The following SUMF1 variants were observed in gnomAD, a reference collection of about 807,000 sequenced individuals.
The protein encoded by SUMF1 is formylglycine-generating enzyme.
A neutral mutation model predicts 47.6 loss-of-function variants in SUMF1; 48 were observed. That is an observed-to-expected ratio of 1.01 (90% CI 0.80 to 1.28). SUMF1 has a LOEUF of 1.28. Ranked by LOEUF, SUMF1 falls within the 50% of genes most tolerant of loss-of-function variation. The probability of loss-of-function intolerance (pLI) is 0.00; values close to 1 mark genes in which losing one functional copy is unlikely to be tolerated. For synonymous variants in SUMF1, 230 were observed against 192.1 expected (o/e 1.20, Z -1.63); for missense variants, 571 against 485.4 (o/e 1.18, Z -1.66).
intron 8 of SUMF1, among the ~76,000 whole-genome samples, chr3:4,176,671 C>G (rs1030748401): frequency 5.9e-5 from 9 of 152,148 alleles, no homozygotes; most frequent in African/African-American, 1.9e-4. Context: ...ATGAGATGAT[C>G]AAATTCACAC....
chr3:4,073,867 TAGA>T (rs1193413204), intron 8 of SUMF1, among the ~76,000 whole-genome samples: 2 of 152,154 alleles, frequency 1.3e-5, no homozygotes, highest in East Asian at 3.8e-4. Context: ...AAGAGGGACT[TAGA>T]CTCCTACACA....
intron 8 of SUMF1, among the ~76,000 whole-genome samples, chr3:4,302,000 A>G (rs767366692): frequency 2.0e-5 from 3 of 152,224 alleles, no homozygotes; most frequent in Non-Finnish European, 4.4e-5. Context: ...AGAAACAGTC[A>G]GGCAGGAAAA....
chr3:4,080,462 C>CT (rs1163851315), intron 8 of SUMF1, among the ~76,000 whole-genome samples: 1 of 152,030 alleles, frequency 6.6e-6, no homozygotes, highest in East Asian at 1.9e-4. Context: ...ACCAACTCTT[C>CT]TTTTTTTTAA....
chr3:4,272,258 G>A (rs544241525), intron 8 of SUMF1, among the ~76,000 whole-genome samples: 18 of 152,294 alleles, frequency 1.2e-4, no homozygotes, highest in Admixed American at 2.0e-4. Context: ...GGAAAAGCTC[G>A]GGATCAACCC....
intron 8 of SUMF1, among the ~76,000 whole-genome samples, chr3:4,331,553 C>G (rs914839234): frequency 8.5e-5 from 13 of 152,212 alleles, no homozygotes; most frequent in African/African-American, 3.1e-4. Context: ...AAAGGCTGGG[C>G]ACAGTGGCTC....
At chr3:4,195,351 G>A (rs1194597834) in intron 8 of SUMF1, among the ~76,000 whole-genome samples, 1 of 151,968 alleles carries the variant, frequency 6.6e-6, no homozygotes, top group Non-Finnish European at 1.5e-5. Flanking sequence ...ATAAGCCAAG[G>A]GAAGAGCAAT....
chr3:4,068,676 T>A (rs1347722641), exon 9 of SUMF1: 1 of 452,244 alleles, frequency 2.2e-6, no homozygotes, highest in Non-Finnish European at 4.4e-6. Flanking sequence ...GCCTTCCACC[T>A]GCTGGCTGTG....
intron 9 of SUMF1, among the ~76,000 whole-genome samples, chr3:4,063,528 G>C (rs1454528249): frequency 6.6e-6 from 1 of 152,018 alleles, no homozygotes; most frequent in Non-Finnish European, 1.5e-5. Context: ...AATATGTGTA[G>C]CTTTTCCCCA....
chr3:4,306,732 C>G (rs930177324), intron 8 of SUMF1, among the ~76,000 whole-genome samples: 1 of 152,234 alleles, frequency 6.6e-6, no homozygotes, highest in Non-Finnish European at 1.5e-5. Flanking sequence ...TTGCTCCAAA[C>G]CCTGCCTTCA....
At chr3:4,210,049 C>T (rs1695746273) in intron 8 of SUMF1, among the ~76,000 whole-genome samples, 1 of 152,016 alleles carries the variant, frequency 6.6e-6, no homozygotes, top group Non-Finnish European at 1.5e-5. Flanking sequence ...TGTGTTCCAC[C>T]ACACCTGGCT....
chr3:4,246,992 G>A (rs1048456570), intron 8 of SUMF1, among the ~76,000 whole-genome samples: 2 of 152,162 alleles, frequency 1.3e-5, no homozygotes, highest in Non-Finnish European at 2.9e-5. Flanking sequence ...GCAGCTTTAA[G>A]TATATATCCT....
At chr3:4,211,203 C>CATATATATATATATATATAT (rs57172340) in intron 8 of SUMF1, among the ~76,000 whole-genome samples, 1 of 98,174 alleles carries the variant, frequency 1.0e-5, no homozygotes, top group African/African-American at 3.9e-5. Flanking sequence ...TACATACATA[C>CATATATATATATATATATAT]ATATATATAT....
chr3:4,255,051 G>A (rs1262181240), intron 8 of SUMF1, among the ~76,000 whole-genome samples: 1 of 150,366 alleles, frequency 6.7e-6, no homozygotes, highest in Non-Finnish European at 1.5e-5. Context: ...ATCCTTTACA[G>A]ACAAGCAAAT....
At position 4,418,248 on chromosome 3, in the gene SUMF1, C is replaced by T. The variant is rs1039791698; in HGVS notation, c.603-116G>A. ...GTTCAATCTGTGACACTGAGGTCAT[C>T]CTGGTCCTTAAGTCAAACCCCAGCC... On this transcript the variant is annotated intron_variant, in intron 4 of 8. Coordinates refer to ENST00000272902, the MANE Select transcript of SUMF1 (RefSeq NM_182760.4). 3.4e-5 allele frequency: 50 copies of T among 1,467,998 alleles called. No homozygotes were observed. In the African/African-American group the frequency reaches 6.1e-4, roughly 18 times the overall value. 90.9% of individuals were successfully genotyped at this position (1,467,998 alleles called of 1,614,324 possible).
At chr3:4,379,417 G>T (rs913465542) in intron 7 of SUMF1, among the ~76,000 whole-genome samples, 44 of 152,320 alleles carry the variant, frequency 2.9e-4, no homozygotes, top group African/African-American at 1.1e-3. Context: ...GGAGTGAGGC[G>T]GCTACAAGCC....
chr3:4,155,353 G>T lies in SUMF1; in HGVS notation c.1015-86608C>A, dbSNP rs181132576. 2.2e-4 allele frequency among the ~76,000 whole-genome samples: 33 copies of T among 151,656 alleles called. 2 individuals carry two copies. The highest frequency in any genetic ancestry group is 7.8e-4 in the African/African-American group (32 of 40,982). On this transcript the variant is annotated intron_variant and NMD_transcript_variant, in intron 8 of 12. Coordinates refer to the SUMF1 transcript ENST00000448413. Reference sequence around the variant, plus strand: ...CTCCACTTAATGAGTCCTAATGAGGGAAGGGGAGCAAAAATTCCTTCTTCA... The same window carrying T: ...CTCCACTTAATGAGTCCTAATGAGGTAAGGGGAGCAAAAATTCCTTCTTCA...
intron 8 of SUMF1, among the ~76,000 whole-genome samples, chr3:4,077,776 G>T (rs1452351449): frequency 6.6e-6 from 1 of 151,964 alleles, no homozygotes; most frequent in Non-Finnish European, 1.5e-5. Flanking sequence ...TGCACGTTGT[G>T]CACATGCACC....
At chr3:4,428,861 A>G (rs1017274518) in intron 3 of SUMF1, among the ~76,000 whole-genome samples, 27 of 152,242 alleles carry the variant, frequency 1.8e-4, no homozygotes, top group African/African-American at 6.5e-4. Flanking sequence ...TTCCAGCTTC[A>G]TCAGTAAGCA....
intron 8 of SUMF1, among the ~76,000 whole-genome samples, chr3:4,101,116 T>C (rs1369149167): frequency 6.6e-6 from 1 of 152,076 alleles, no homozygotes; most frequent in Admixed American, 6.6e-5. Flanking sequence ...AAAATTACCA[T>C]ATGATCAAGC....
Sources: allele counts gnomAD v4.1 joint callset (sites outside exome capture counted in the v4.1 genomes callset), GRCh38; gene constraint gnomAD v4.1.1; transcripts MANE v1.5; gene names NCBI Gene and HGNC (gene_info 2026-07-23, HGNC 2026-07-21).